NDUFA10: variants seen among roughly 807,000 people sequenced by gnomAD.
NDUFA10 encodes the protein NADH dehydrogenase [ubiquinone] 1 alpha subcomplex subunit 10, mitochondrial.
Under a neutral mutation model 47.8 loss-of-function variants are expected in NDUFA10, and 40 were observed. That is an observed-to-expected ratio of 0.84 (90% CI 0.65 to 1.09). The LOEUF (loss-of-function observed/expected upper bound fraction) is 1.09, where lower values mean the gene tolerates loss of function less well. NDUFA10 is among the 50% of genes least tolerant of loss of function. The pLI, the probability that NDUFA10 is intolerant of heterozygous loss-of-function variation, is 0.00. For synonymous variants in NDUFA10, 183 were observed against 172.2 expected (o/e 1.06, Z -0.49); for missense variants, 413 against 451.1 (o/e 0.92, Z 0.76).
intron 3 of NDUFA10, 36 bp downstream of exon 3, chr2:240,021,161 G>C: frequency 6.4e-7 from 1 of 1,562,488 alleles, no homozygotes; most frequent in Non-Finnish European, 8.8e-7. Context: ...TAGTGTTCAA[G>C]TACAGAACAG....
chr2:240,024,139 T>C (rs1326009065), intron 1 of NDUFA10, among the ~76,000 whole-genome samples: 2 of 152,238 alleles, frequency 1.3e-5, no homozygotes, highest in Non-Finnish European at 2.9e-5. Flanking sequence ...CCAAATGATA[T>C]AAAAATGTAT....
intron 9 of NDUFA10, among the ~76,000 whole-genome samples, chr2:239,971,106 T>C (rs1695287384): frequency 6.6e-6 from 1 of 152,236 alleles, no homozygotes; most frequent in Admixed American, 6.5e-5. Context: ...AGAACTACAG[T>C]AATGAAAGAA....
chr2:239,992,427 T>C (rs971303315), intron 8 of NDUFA10, among the ~76,000 whole-genome samples: 1 of 152,234 alleles, frequency 6.6e-6, no homozygotes, highest in Non-Finnish European at 1.5e-5. Flanking sequence ...TGTCAACACT[T>C]TGTCCTATAA....
intron 4 of NDUFA10, among the ~76,000 whole-genome samples, chr2:239,899,033 TAAA>T (rs1163776619): frequency 3.1e-4 from 25 of 79,498 alleles, no homozygotes; most frequent in East Asian, 4.2e-4. Flanking sequence ...TGGAGGGGTG[TAAA>T]GGAGGGGTGT....
At chr2:239,979,089 T>C (rs878924) in intron 9 of NDUFA10, among the ~76,000 whole-genome samples, 87,259 of 151,882 alleles carry the variant, frequency 0.57, 25,216 homozygotes, top group Admixed American at 0.6. Context: ...CTGAGAAGTG[T>C]GCTCCTGTGT....
At chr2:239,954,883 G>A (rs75362875), downstream of NDUFA10, among the ~76,000 whole-genome samples, 11,640 of 152,196 alleles carry the variant, frequency 0.076, 536 homozygotes, top group Admixed American at 0.13. Context: ...GCGTTCTCAC[G>A]GCTGCTGCAC....
chr2:239,942,551 C>T (rs1042217137), intron 4 of NDUFA10, among the ~76,000 whole-genome samples: 8 of 152,208 alleles, frequency 5.3e-5, no homozygotes, highest in African/African-American at 9.6e-5. Flanking sequence ...TAGTCTTATA[C>T]GTTGTTGACA....
chr2:239,911,670 A>AGAGTGTGTGTGTGT (rs1553554441), intron 4 of NDUFA10, among the ~76,000 whole-genome samples: 31 of 146,652 alleles, frequency 2.1e-4, no homozygotes, highest in South Asian at 6.5e-4. Context: ...AACATGAGAG[A>AGAGTGTGTGTGTGT]GTGTGTGTGC....
intron 9 of NDUFA10, among the ~76,000 whole-genome samples, chr2:239,965,166 T>C (rs2106399560): frequency 6.6e-6 from 1 of 152,220 alleles, no homozygotes; most frequent in East Asian, 1.9e-4. Flanking sequence ...ACCTGCTAAG[T>C]CCAGCCAGTG....
At chr2:239,898,999 G>A (rs1336176036) in intron 4 of NDUFA10, among the ~76,000 whole-genome samples, 1 of 127,198 alleles carries the variant, frequency 7.9e-6, no homozygotes, top group African/African-American at 2.8e-5. Flanking sequence ...AGGTGTGATG[G>A]AGAGGTGTGA....
chr2:239,898,973 AAGAGGTATGATGG>A lies in NDUFA10; in HGVS notation c.295-3672_295-3660del, dbSNP rs761584333. Among the ~76,000 whole-genome samples the A allele has an allele frequency of 3.7e-3, 325 of 87,554 alleles. 16 individuals are homozygous for A. Among genetic ancestry groups the A allele is most frequent in the Non-Finnish European group, 5.3e-3 (207 of 38,894 alleles). 57.4% of individuals were successfully genotyped at this position (87,554 alleles called of 152,430 possible). ...TGGAGGGGTGTGGCAGGGTGTGATG[AAGAGGTATGATGG>A]AGAGGTGTGATGGAGAGGTGTGATG... On this transcript the variant is annotated intron_variant, in intron 4 of 5. Transcript: ENST00000419408.
intron 4 of NDUFA10, among the ~76,000 whole-genome samples, chr2:239,921,023 T>C: frequency 6.6e-6 from 1 of 152,196 alleles, no homozygotes; most frequent in East Asian, 1.9e-4. Context: ...CACAGGGTTC[T>C]GTGGACAGAG....
intron 1 of NDUFA10, among the ~76,000 whole-genome samples, chr2:240,023,824 TG>T (rs1697741654): frequency 6.6e-6 from 1 of 152,212 alleles, no homozygotes; most frequent in South Asian, 2.1e-4. Context: ...AATTTAAAAA[TG>T]GGCAAAAGAT....
chr2:239,982,279 TTTC>T, intron 9 of NDUFA10: 1 of 1,591,764 alleles, frequency 6.3e-7, no homozygotes, highest in Non-Finnish European at 8.6e-7. Flanking sequence ...CGACTTTACT[TTTC>T]TTTAGTTACT....
At position 240,007,357 on chromosome 2, in the gene NDUFA10, C is replaced by A. The variant is rs1444780891; in HGVS notation, c.763G>T (p.Val255Phe). 1.9e-6 allele frequency: 3 copies of A among 1,592,140 alleles called. No individual in the cohort carries two copies. The highest frequency in any genetic ancestry group is 1.7e-6 in the Non-Finnish European group (2 of 1,159,942). The change falls in exon 7 of 10, where the codon GTT becomes TTT. Residue 255 changes from valine to phenylalanine, a missense_variant. Coordinates refer to ENST00000252711, the MANE Select transcript of NDUFA10 (RefSeq NM_004544.4). ...FLPEMSEKCE[V>F]LQYSAREAQD... ...GCTTCCCTTGCAGAATATTGTAAAA[C>A]CTCACATTTTTCACTGTAAGAAAAA... is the stretch of plus-strand genomic sequence containing the variant.
chr2:239,971,125 T>C (rs35041867), intron 9 of NDUFA10, among the ~76,000 whole-genome samples: 112,105 of 152,262 alleles, frequency 0.74, 41,477 homozygotes, highest in African/African-American at 0.8. Context: ...AAGTGCCACA[T>C]AAAAACATTC....
chr2:239,989,690 C>T lies in NDUFA10; in HGVS notation c.999+384G>A, dbSNP rs78084829. 9.3e-4 allele frequency among the ~76,000 whole-genome samples: 141 copies of T among 152,374 alleles called. No individual in the cohort carries two copies. In the East Asian group the frequency reaches 0.019, roughly 21 times the overall value. ...TCTGCCTGCCCTCCCTATGTCCTCC[C>T]ATATGGCCTAAGGGCCTTCTGCAGA... On this transcript the variant is annotated intron_variant, in intron 9 of 9. Transcript: ENST00000252711.
chr2:239,968,732 A>G (rs961344587), intron 9 of NDUFA10, among the ~76,000 whole-genome samples: 3 of 152,058 alleles, frequency 2.0e-5, no homozygotes, highest in Non-Finnish European at 4.4e-5. Flanking sequence ...AGGGGGTAAA[A>G]CTCCATGAAG....
chr2:239,961,205 T>A lies in NDUFA10; in HGVS notation c.1000-19A>T. ...CCGGCAGCTGTGGGGGAAAAAGGCA[T>A]TGGTGCATTCTGTTTAACGTGAATG... On this transcript the variant is annotated intron_variant, in intron 9 of 9. Coordinates refer to ENST00000252711, the MANE Select transcript of NDUFA10 (RefSeq NM_004544.4). 6.2e-7 allele frequency: 1 copy of A among 1,614,124 alleles called. No individual in the cohort carries two copies.
Sources: gnomAD v4.1 joint callset for allele counts (sites outside exome capture counted in the v4.1 genomes callset) on GRCh38, gnomAD v4.1.1 for gene constraint, MANE v1.5 for transcripts, NCBI Gene and HGNC (gene_info 2026-07-23, HGNC 2026-07-21) for gene names.